The following USP54 variants were observed in gnomAD, a reference collection of about 807,000 sequenced individuals.
The protein encoded by USP54 is ubiquitin specific peptidase 54.
Under a neutral mutation model 170.5 loss-of-function variants are expected in USP54, and 87 were observed. The ratio of observed to expected loss-of-function variants is 0.51; its 90% CI spans 0.43 to 0.61. The LOEUF (loss-of-function observed/expected upper bound fraction) is 0.61. USP54 is among the 20% of genes least tolerant of loss of function. USP54 has a pLI of 0.00. For synonymous variants in USP54, 655 were observed against 742.8 expected, an observed-to-expected ratio of 0.88 and a Z score of 1.92; for missense variants, 1,786 against 2,047.8, an observed-to-expected ratio of 0.87 and a Z score of 2.47.
chr10:73,591,302 A>C lies in USP54; in HGVS notation c.-606T>G, dbSNP rs566772864. On this transcript the variant is annotated 5_prime_UTR_variant, in exon 1 of 24. Coordinates refer to ENST00000687698, the MANE Select transcript of USP54 (RefSeq NM_001391956.1). ...CCAGACAGCACAGTCAACCTCCAGCAAAAGACCTCTAATCACGAGGGTATC... is the reference window on the plus strand; with the variant it reads ...CCAGACAGCACAGTCAACCTCCAGCCAAAGACCTCTAATCACGAGGGTATC... 6.6e-6 allele frequency: 1 copy of C among 152,198 alleles called. No individual in the cohort carries two copies. Among genetic ancestry groups the C allele is most frequent in the African/African-American group, 2.4e-5 (1 of 41,438 alleles). The allele number at this position is 152,198 out of a possible 1,614,324, so 9.4% of individuals were successfully genotyped here.
chr10:73,530,598 C>G (rs2063772964), intron 13 of USP54, 75 bp from the exon 14 acceptor site: 1 of 1,563,800 alleles, frequency 6.4e-7, no homozygotes, highest in East Asian at 2.2e-5. Flanking sequence ...GTCGAAAAAG[C>G]AAAGAAAAGC....
intron 1 of USP54, among the ~76,000 whole-genome samples, chr10:73,579,572 T>C (rs1279839122): frequency 6.6e-6 from 1 of 151,990 alleles, no homozygotes; most frequent in African/African-American, 2.4e-5. Flanking sequence ...CTGGCCAACA[T>C]GGTGAAACCC....
intron 7 of USP54, 194 bp from the exon 8 acceptor site, chr10:73,541,932 C>T (rs566608389): frequency 5.1e-6 from 3 of 586,252 alleles, no homozygotes; most frequent in African/African-American, 3.7e-5. Flanking sequence ...CTCATAGAAT[C>T]CCCACTCCTC....
intron 4 of USP54, among the ~76,000 whole-genome samples, chr10:73,562,484 T>C (rs2073299612): frequency 6.6e-6 from 1 of 152,220 alleles, no homozygotes; most frequent in African/African-American, 2.4e-5. Context: ...CATGTACCCC[T>C]GAACAATATG....
intron 1 of USP54, among the ~76,000 whole-genome samples, chr10:73,583,603 A>G (rs1191461135): frequency 3.3e-5 from 5 of 152,302 alleles, no homozygotes; most frequent in African/African-American, 1.2e-4. Context: ...ATTTTTTTTA[A>G]TTAGCCAGGC....
At chr10:73,501,174 GAGAAATTC>G (rs1564598376) in intron 22 of USP54, among the ~76,000 whole-genome samples, 2 of 151,978 alleles carry the variant, frequency 1.3e-5, no homozygotes, top group Non-Finnish European at 2.9e-5. Flanking sequence ...AACGAAATAT[GAGAAATTC>G]AGAAAGCCTG....
intron 4 of USP54, among the ~76,000 whole-genome samples, chr10:73,569,930 A>C (rs1212882440): frequency 1.4e-5 from 2 of 142,924 alleles, no homozygotes; most frequent in African/African-American, 5.0e-5. Context: ...AAAAAAAAAA[A>C]AAAAAAAAAA....
At chr10:73,561,453 T>C (rs1484895929) in intron 4 of USP54, among the ~76,000 whole-genome samples, 1 of 152,158 alleles carries the variant, frequency 6.6e-6, no homozygotes, top group Non-Finnish European at 1.5e-5. Flanking sequence ...AGCAAGATCC[T>C]GTCTCCATTT....
At chr10:73,587,082 G>C (rs1197053567) in intron 1 of USP54, among the ~76,000 whole-genome samples, 1 of 152,166 alleles carries the variant, frequency 6.6e-6, no homozygotes. Context: ...GACAGCTGCA[G>C]GCTACTTAGC....
chr10:73,517,304 C>T lies in USP54; in HGVS notation c.3122G>A (p.Gly1041Glu), dbSNP rs1249355158. The change falls in exon 20 of 24, where the codon GGA (glycine) becomes GAA (glutamate). Residue 1041 changes from glycine (G) to glutamate (E), a missense_variant. By Grantham distance (98) the Gly-to-Glu change is moderately conservative (BLOSUM62 -2). Coordinates refer to ENST00000687698, the MANE Select transcript of USP54 (RefSeq NM_001391956.1). ...ATCACCCCTCTCAGAGGTGGCTATT[C>T]CAGGCATCACCGGGGAGGGGTTAGC... Reference protein sequence around the residue: ...DPANPSPVMPGIATSERGDEH... With the variant: ...DPANPSPVMPEIATSERGDEH... The T allele has an allele frequency of 1.9e-6, 3 of 1,612,778 alleles. No individual in the cohort carries two copies. Among genetic ancestry groups the T allele is most frequent in the Non-Finnish European group, 2.5e-6 (3 of 1,179,300 alleles).
At chr10:73,500,201 G>A (rs1414756255) in intron 23 of USP54, among the ~76,000 whole-genome samples, 1 of 152,158 alleles carries the variant, frequency 6.6e-6, no homozygotes, top group Non-Finnish European at 1.5e-5. Flanking sequence ...ACATGGTGTG[G>A]GTACTCCATG....
At chr10:73,500,163 C>T (rs563638018) in intron 23 of USP54, among the ~76,000 whole-genome samples, 1 of 152,312 alleles carries the variant, frequency 6.6e-6, no homozygotes, top group African/African-American at 2.4e-5. Flanking sequence ...ATATTGCCCA[C>T]CTTCCCCACA....
chr10:73,566,460 G>A (rs1402580314), intron 4 of USP54, among the ~76,000 whole-genome samples: 4 of 151,932 alleles, frequency 2.6e-5, no homozygotes, highest in Non-Finnish European at 4.4e-5. Flanking sequence ...TGGGCCAGGC[G>A]CAGTGGCTCA....
In USP54 at chr10:73,516,346, CTCCCCCCAACCCCTGG is replaced by C; in HGVS notation, c.4051+13_4051+28del. 1 of 1,578,000 alleles carries C rather than the reference CTCCCCCCAACCCCTGG, an allele frequency of 6.3e-7. No individual in the cohort carries two copies. The highest frequency in any genetic ancestry group is 8.6e-7 in the Non-Finnish European group (1 of 1,164,212). On this transcript the variant is annotated intron_variant, in intron 20 of 23. Coordinates refer to ENST00000687698, the MANE Select transcript of USP54 (RefSeq NM_001391956.1). ...TTCAGCTTTTATATGATCCTCCCCC[CTCCCCCCAACCCCTGG>C]TTGCATTCTTACCTGTTTGGCTAAG...
chr10:73,583,665 T>C (rs2132152562), intron 1 of USP54, among the ~76,000 whole-genome samples: 1 of 152,158 alleles, frequency 6.6e-6, no homozygotes, highest in East Asian at 1.9e-4. Flanking sequence ...AGGAGGACTT[T>C]TTGAGCCTGG....
At chr10:73,533,894 C>T (rs1464446315) in intron 12 of USP54, among the ~76,000 whole-genome samples, 3 of 152,164 alleles carry the variant, frequency 2.0e-5, no homozygotes, top group African/African-American at 7.2e-5. Flanking sequence ...ATAAATAGGC[C>T]CCTTCTATCA....
In USP54 at chr10:73,514,904, G is replaced by A. The variant is rs571090439; in HGVS notation, c.4051+1471C>T. On this transcript the variant is annotated intron_variant, in intron 20 of 23. Coordinates refer to ENST00000687698, the MANE Select transcript of USP54 (RefSeq NM_001391956.1). Reference sequence around the variant, plus strand: ...AAAATACAAGAGTTAGCCAGGTGTGGTGGTGGACGCCTGTAATCTCAGCTA... The same window carrying A: ...AAAATACAAGAGTTAGCCAGGTGTGATGGTGGACGCCTGTAATCTCAGCTA... 1.6e-4 allele frequency among the ~76,000 whole-genome samples: 25 copies of A among 152,044 alleles called. No individual in the cohort carries two copies. In the South Asian group the frequency reaches 5.2e-3, roughly 32 times the overall value.
At chr10:73,571,605 C>T in intron 3 of USP54, 92 bp from the exon 4 acceptor site, 1 of 901,420 alleles carries the variant, frequency 1.1e-6, no homozygotes, top group South Asian at 1.8e-5. Flanking sequence ...GTAATGACTG[C>T]AGAAGATGTC....
In USP54 at chr10:73,516,915, G is replaced by A. The variant is rs200021360; in HGVS notation, c.3511C>T (p.Pro1171Ser). ...CCTTTCTCTTGACCCTGTGAGAAAG[G>A]AGGCTTAGAATCAGAAGGGGAAGAG... The part of the protein sequence containing the change: ...KNSSPSDSKP[P>S]FSQGQEKGHW... The change falls in exon 20 of 24, where the codon CCT becomes TCT. Residue 1171 changes from proline to serine, a missense_variant. Coordinates refer to ENST00000687698, the MANE Select transcript of USP54 (RefSeq NM_001391956.1). The A allele has an allele frequency of 5.0e-5, 80 of 1,614,118 alleles. 1 individual carries two copies. Among genetic ancestry groups the A allele is most frequent in the Non-Finnish European group, 6.4e-5 (75 of 1,180,060 alleles).
Sources: allele counts gnomAD v4.1 joint callset (sites outside exome capture counted in the v4.1 genomes callset), GRCh38; gene constraint gnomAD v4.1.1; transcripts MANE v1.5; gene names NCBI Gene and HGNC (gene_info 2026-07-23, HGNC 2026-07-21).